Variants in ADGRV1 observed in about 807,000 individuals in gnomAD.
ADGRV1 encodes G-protein coupled receptor 98.
ADGRV1 carries 359 observed loss-of-function variants against 596.2 expected under a neutral mutation model. That is an observed-to-expected ratio of 0.60 (90% CI 0.55 to 0.66). ADGRV1 has a LOEUF of 0.66. ADGRV1 is among the 30% of genes least tolerant of loss of function. The pLI is 0.00. For synonymous variants in ADGRV1, 2,681 were observed against 2,679.2 expected (o/e 1.00, Z -0.02); for missense variants, 7,274 against 7,575.6 (o/e 0.96, Z 1.48).
At chr5:90,631,965 G>T (rs1765557936) in intron 9 of ADGRV1, among the ~76,000 whole-genome samples, 1 of 152,138 alleles carries the variant, frequency 6.6e-6, no homozygotes, top group Non-Finnish European at 1.5e-5. Context: ...GATTTTACCA[G>T]TTCACACTTA....
At chr5:91,117,209 G>A (rs918657498) in intron 87 of ADGRV1, among the ~76,000 whole-genome samples, 2 of 152,156 alleles carry the variant, frequency 1.3e-5, no homozygotes. Flanking sequence ...TGGAAAATTT[G>A]TAATGTCAAA....
intron 34 of ADGRV1, among the ~76,000 whole-genome samples, 184 bp downstream of exon 34, chr5:90,697,330 C>T (rs1747326660): frequency 6.6e-6 from 1 of 152,178 alleles, no homozygotes; most frequent in African/African-American, 2.4e-5. Flanking sequence ...ATTTAGGAGC[C>T]TTGCAAACCA....
At chr5:90,817,729 T>C (rs1157379673) in intron 75 of ADGRV1, among the ~76,000 whole-genome samples, 3 of 152,162 alleles carry the variant, frequency 2.0e-5, no homozygotes, top group Non-Finnish European at 2.9e-5. Context: ...GTTGTAGATA[T>C]GCGGCGTTAC....
chr5:90,621,140 G>T (rs144624576), intron 4 of ADGRV1, among the ~76,000 whole-genome samples: 4 of 152,054 alleles, frequency 2.6e-5, no homozygotes, highest in East Asian at 1.9e-4. Context: ...GAATCTGGTC[G>T]CTAAATTTTA....
intron 83 of ADGRV1, among the ~76,000 whole-genome samples, chr5:90,962,706 T>A (rs1249130867): frequency 1.3e-5 from 2 of 152,238 alleles, no homozygotes; most frequent in Non-Finnish European, 2.9e-5. Context: ...TCTTGCTGAC[T>A]AATCTCCTGT....
intron 75 of ADGRV1, among the ~76,000 whole-genome samples, chr5:90,822,645 GT>G (rs1309326374): frequency 6.6e-6 from 1 of 152,120 alleles, no homozygotes; most frequent in African/African-American, 2.4e-5. Context: ...CTTTAAAGTA[GT>G]TTTTTCCAAT....
In ADGRV1 at chr5:90,791,307, T is replaced by C. The variant is rs1223684327; in HGVS notation, c.14478T>C (p.Gly4826=). ...AGAGGCAGCTGGTGGTCAAAGATGG[T>C]GCCACATATAAAGTGGACGTGGTGC... ...NAERQLVVKD[G]ATYKVDVVPI... The change falls in exon 70 of 90, where the codon GGT becomes GGC. Residue 4826 remains glycine (G), a synonymous_variant. Coordinates refer to ENST00000405460, the MANE Select transcript of ADGRV1 (RefSeq NM_032119.4). 1 of 1,589,752 alleles carries C rather than the reference T, an allele frequency of 6.3e-7. No individual in the cohort carries two copies. The highest frequency in any genetic ancestry group is 2.3e-5 in the East Asian group (1 of 43,816).
chr5:90,927,150 C>T (rs1388534448), intron 83 of ADGRV1, among the ~76,000 whole-genome samples: 1 of 150,286 alleles, frequency 6.7e-6, no homozygotes, highest in African/African-American at 2.5e-5. Flanking sequence ...TCTATTAGGT[C>T]CGCTTGGTGC....
intron 85 of ADGRV1, among the ~76,000 whole-genome samples, chr5:91,056,699 G>A (rs554685799): frequency 3.9e-5 from 6 of 152,144 alleles, no homozygotes; most frequent in African/African-American, 1.4e-4. Flanking sequence ...GTCAACTTCC[G>A]ATGGCTGCCC....
intron 75 of ADGRV1, 111 bp downstream of exon 75, chr5:90,815,847 G>T: frequency 1.5e-6 from 1 of 647,168 alleles, no homozygotes. Context: ...AGGTAGTGTC[G>T]AATTTGGCAC....
intron 83 of ADGRV1, among the ~76,000 whole-genome samples, chr5:90,919,994 C>CAAAAAA (rs59122926): frequency 3.5e-4 from 28 of 80,018 alleles, no homozygotes; most frequent in Non-Finnish European, 4.4e-4. Flanking sequence ...AACTCCATCT[C>CAAAAAA]AAAAAAAAAA....
chr5:90,813,164 A>AAAAAAAAC lies in ADGRV1; in HGVS notation c.16078+1826_16078+1827insAAAAAAAC, dbSNP rs1762598483. Among the ~76,000 whole-genome samples, 2 of 70,718 alleles carry AAAAAAAAC rather than the reference A, an allele frequency of 2.8e-5. 1 individual carries two copies. Among genetic ancestry groups the AAAAAAAAC allele is most frequent in the Non-Finnish European group, 6.1e-5 (2 of 32,912 alleles). 46.4% of individuals were successfully genotyped at this position (70,718 alleles called of 152,430 possible). A position where few individuals can be genotyped will look rare whatever the true frequency, so the allele number is the denominator to read the frequency against. On this transcript the variant is annotated intron_variant, in intron 74 of 89. Transcript: ENST00000405460. ...AAAAAAAAAAAAAAAAAAAAAAAAAATTTATTTGGCAGTCAGCATCCTCCT... is the reference window on the plus strand; with the variant it reads ...AAAAAAAAAAAAAAAAAAAAAAAAAAAAAAAAACTTTATTTGGCAGTCAGCATCCTCCT...
chr5:90,976,320 GTGTATA>G (rs1280833259), intron 84 of ADGRV1, among the ~76,000 whole-genome samples: 1,417 of 110,356 alleles, frequency 0.013, 30 homozygotes, highest in African/African-American at 0.047. Flanking sequence ...GTGTGTGTGT[GTGTATA>G]TATATATATA....
intron 1 of ADGRV1, among the ~76,000 whole-genome samples, chr5:90,607,646 A>G (rs1762268265): frequency 1.3e-5 from 2 of 152,266 alleles, no homozygotes; most frequent in African/African-American, 4.8e-5. Context: ...TCAATGTAAG[A>G]GTAAAGTTTT....
intron 83 of ADGRV1, among the ~76,000 whole-genome samples, chr5:90,869,688 T>A (rs1206692061): frequency 3.3e-5 from 5 of 152,152 alleles, no homozygotes; most frequent in African/African-American, 1.2e-4. Flanking sequence ...TGTCTTTAAA[T>A]CAATAAAAAA....
intron 83 of ADGRV1, among the ~76,000 whole-genome samples, chr5:90,896,362 C>T (rs1771323354): frequency 6.9e-6 from 1 of 145,332 alleles, no homozygotes; most frequent in South Asian, 2.2e-4. Context: ...CCTCAACCTC[C>T]CGGCTCGAGA....
chr5:90,697,091 T>G lies in ADGRV1; in HGVS notation c.8100T>G (p.Asn2700Lys), dbSNP rs755660868. Residue 2700 changes from asparagine to lysine, a missense_variant, in exon 34 of 90, where the codon AAT becomes AAG. Asn to Lys is a moderately conservative substitution (Grantham distance 94). Around this residue, in one of 5 missense-constraint regions of ADGRV1, gnomAD observed 3,643 missense variants for 3,809.2 expected, o/e 0.96. Coordinates refer to ENST00000405460, the MANE Select transcript of ADGRV1 (RefSeq NM_032119.4). ...TVRVNILAND[N>K]VAGIVSFQTA... ...GAGTGAACATTTTGGCCAATGACAA[T>G]GTGGCAGGAATTGTTAGCTTTCAGA... is the stretch of plus-strand genomic sequence containing the variant. The G allele has an allele frequency of 6.2e-7, 1 of 1,613,318 alleles. No homozygotes were observed. The highest frequency in any genetic ancestry group is 8.5e-7 in the Non-Finnish European group (1 of 1,179,474).
chr5:90,985,396 G>T lies in ADGRV1; in HGVS notation c.18026G>T (p.Arg6009Leu). The T allele has an allele frequency of 6.2e-7, 1 of 1,613,552 alleles. No homozygotes were observed. Among genetic ancestry groups the T allele is most frequent in the South Asian group, 1.1e-5 (1 of 91,032 alleles). Reference sequence around the variant, plus strand: ...ATGAATGATGAGCACACAGAGAGGCGATATCTGCTGTTTTTCCTTCTGAGT... The same window carrying T: ...ATGAATGATGAGCACACAGAGAGGCTATATCTGCTGTTTTTCCTTCTGAGT... ...LVMNDEHTER[R>L]YLLFFLLSWG... The change falls in exon 85 of 90, where the codon CGA (arginine) becomes CTA (leucine). Residue 6009 changes from arginine (R) to leucine (L), a missense_variant. Coordinates refer to ENST00000405460, the MANE Select transcript of ADGRV1 (RefSeq NM_032119.4).
At chr5:90,874,727 A>AGG (rs1769053695) in intron 83 of ADGRV1, among the ~76,000 whole-genome samples, 1 of 151,904 alleles carries the variant, frequency 6.6e-6, no homozygotes, top group Non-Finnish European at 1.5e-5. Context: ...GCGTGGTGGC[A>AGG]TGCACCTGTA....
Sources: gnomAD v4.1 joint callset for allele counts (sites outside exome capture counted in the v4.1 genomes callset) on GRCh38, gnomAD v4.1.1 for gene constraint, gnomAD v4.1.1 regional missense constraint, MANE v1.5 for transcripts, NCBI Gene and HGNC (gene_info 2026-07-23, HGNC 2026-07-21) for gene names.